Variants in SLC39A8 observed in about 807,000 individuals in gnomAD.
SLC39A8 encodes metal cation symporter ZIP8.
In SLC39A8, 15 loss-of-function variants were observed where a neutral mutation model predicts 40.4. The observed-to-expected ratio is 0.37, with a 90% CI of 0.25 to 0.57. The LOEUF is 0.57. Ranked by LOEUF, SLC39A8 falls within the 20% of genes least tolerant of loss-of-function variation. The probability of loss-of-function intolerance (pLI) is 0.75; values close to 1 mark genes in which losing one functional copy is unlikely to be tolerated. For missense variants in SLC39A8, 472 were observed against 558.8 expected (o/e 0.84, Z 1.57); for synonymous variants, 223 against 221.6 (o/e 1.01, Z -0.06).
At chr4:102,313,855 T>C (rs1339617905) in intron 3 of SLC39A8, among the ~76,000 whole-genome samples, 6 of 152,208 alleles carry the variant, frequency 3.9e-5, no homozygotes, top group Non-Finnish European at 7.4e-5. Flanking sequence ...CCCAAAGTGC[T>C]GGGATTACAG....
chr4:102,290,218 A>G (rs1182198635), intron 6 of SLC39A8, among the ~76,000 whole-genome samples: 1 of 152,182 alleles, frequency 6.6e-6, no homozygotes, highest in East Asian at 1.9e-4. Flanking sequence ...GCAATAAGGT[A>G]TTTTTAAATT....
At position 102,318,340 on chromosome 4, in the gene SLC39A8, G is replaced by C. The variant is rs567223168; in HGVS notation, c.220-2510C>G. On this transcript the variant is annotated intron_variant, in intron 2 of 8. Coordinates refer to ENST00000356736, the MANE Select transcript of SLC39A8 (RefSeq NM_001135146.2). Reference sequence around the variant, plus strand: ...ACGAAGAACACAGAGATGTAGAGATGATAAAACTCAAAGCTCCCCTCATGA... The same window carrying C: ...ACGAAGAACACAGAGATGTAGAGATCATAAAACTCAAAGCTCCCCTCATGA... Among the ~76,000 whole-genome samples, 5 of 152,222 alleles carry C rather than the reference G, an allele frequency of 3.3e-5. No homozygotes were observed. The South Asian group carries it at 1.0e-3, about 32-fold the overall frequency.
At chr4:102,336,251 T>C (rs549642948) in intron 2 of SLC39A8, among the ~76,000 whole-genome samples, 1 of 152,362 alleles carries the variant, frequency 6.6e-6, no homozygotes, top group Admixed American at 6.5e-5. Flanking sequence ...TGAGTAAGGC[T>C]CTTTTTTTCT....
chr4:102,284,013 G>A (rs1253113485), intron 6 of SLC39A8, among the ~76,000 whole-genome samples: 1 of 152,170 alleles, frequency 6.6e-6, no homozygotes, highest in Non-Finnish European at 1.5e-5. Context: ...TCTCCTTGAG[G>A]AAGTCATCCC....
At chr4:102,276,133 A>T (rs1732606582) in intron 6 of SLC39A8, among the ~76,000 whole-genome samples, 1 of 152,194 alleles carries the variant, frequency 6.6e-6, no homozygotes, top group Non-Finnish European at 1.5e-5. Context: ...AATAACTAAG[A>T]TCAGAGCAGA....
At chr4:102,280,133 G>T (rs972511648) in intron 6 of SLC39A8, among the ~76,000 whole-genome samples, 4 of 152,188 alleles carry the variant, frequency 2.6e-5, no homozygotes, top group African/African-American at 9.7e-5. Flanking sequence ...CACAACTAAA[G>T]ATCACTGTTC....
At chr4:102,307,147 G>T (rs145431254) in intron 4 of SLC39A8, among the ~76,000 whole-genome samples, 1 of 152,130 alleles carries the variant, frequency 6.6e-6, no homozygotes, top group East Asian at 1.9e-4. Flanking sequence ...AATTAAATTT[G>T]CCAAGTGCAA....
At chr4:102,253,092 T>C (rs571474206) in exon 12 of SLC39A8, 6 of 231,646 alleles carry the variant, frequency 2.6e-5, no homozygotes, top group Admixed American at 5.7e-5. Flanking sequence ...ACATTTGCAA[T>C]GACTCTATTT....
In SLC39A8 at chr4:102,304,396, A is replaced by G. The variant is rs1272890104; in HGVS notation, c.761T>C (p.Val254Ala). The change falls in exon 6 of 9, where the codon GTG becomes GCG. Residue 254 changes from valine (V) to alanine (A), a missense_variant. Around this residue, in one of 4 missense-constraint regions of SLC39A8, gnomAD observed 239 missense variants for 317.9 expected, o/e 0.75. Coordinates refer to ENST00000356736, the MANE Select transcript of SLC39A8 (RefSeq NM_001135146.2). ...QPKALPAING[V>A]TCYANPAVTE... ...GACAGCAGGATTTGCATAGCATGTC[A>G]CACCATTGATGGCAGGTAATGCTTT... The G allele has an allele frequency of 5.0e-6, 8 of 1,611,766 alleles. No individual in the cohort carries two copies. Among genetic ancestry groups the G allele is most frequent in the African/African-American group, 1.3e-5 (1 of 74,906 alleles).
intron 3 of SLC39A8, among the ~76,000 whole-genome samples, chr4:102,312,065 T>C (rs904373563): frequency 2.6e-5 from 4 of 152,048 alleles, no homozygotes; most frequent in Non-Finnish European, 4.4e-5. Context: ...ATTAACTCAT[T>C]TGATACTCCC....
intron 11 of SLC39A8, among the ~76,000 whole-genome samples, chr4:102,255,343 A>G (rs1006028861): frequency 6.6e-6 from 1 of 152,230 alleles, no homozygotes; most frequent in Admixed American, 6.5e-5. Flanking sequence ...AAATTGAAGG[A>G]ACTAAAGAAA....
chr4:102,334,561 A>T (rs1294848822), intron 2 of SLC39A8, among the ~76,000 whole-genome samples: 1 of 152,222 alleles, frequency 6.6e-6, no homozygotes, highest in Non-Finnish European at 1.5e-5. Flanking sequence ...TCACTCAAAC[A>T]AGAGGGGAAC....
chr4:102,337,705 AC>A (rs145392281), intron 2 of SLC39A8, among the ~76,000 whole-genome samples: 8 of 152,254 alleles, frequency 5.3e-5, no homozygotes, highest in African/African-American at 1.9e-4. Flanking sequence ...TCCATTCTAA[AC>A]CGCCAGAAGA....
chr4:102,335,336 C>T (rs1210779935), intron 2 of SLC39A8, among the ~76,000 whole-genome samples: 1 of 152,110 alleles, frequency 6.6e-6, no homozygotes, highest in Non-Finnish European at 1.5e-5. Context: ...CGCTGAAGTT[C>T]GGGCTAACTT....
At chr4:102,321,793 G>C (rs1420439986) in intron 2 of SLC39A8, among the ~76,000 whole-genome samples, 1 of 152,208 alleles carries the variant, frequency 6.6e-6, no homozygotes, top group Non-Finnish European at 1.5e-5. Flanking sequence ...GTAGAGACCA[G>C]AGACAAGGAT....
chr4:102,344,827 AC>A lies in SLC39A8; in HGVS notation c.-166del. On this transcript the variant is annotated 5_prime_UTR_variant, in exon 2 of 9. It introduces an in-frame stop codon into an upstream open reading frame of the 5' UTR. Coordinates refer to ENST00000356736, the MANE Select transcript of SLC39A8 (RefSeq NM_001135146.2). ...CTGGTTCTCCGACGCCTTCGAAAGA[AC>A]AGCAGCTCGCGACCTGCGGGGCATT... The A allele has an allele frequency of 1.5e-6, 2 of 1,319,712 alleles. No homozygotes were observed. Among genetic ancestry groups the A allele is most frequent in the South Asian group, 4.2e-5 (2 of 47,198 alleles). 81.8% of individuals were successfully genotyped at this position (1,319,712 alleles called of 1,614,324 possible).
chr4:102,305,006 A>G lies in SLC39A8; in HGVS notation c.658T>C (p.Leu220=), dbSNP rs751004364. The G allele has an allele frequency of 1.2e-6, 2 of 1,605,646 alleles. No individual in the cohort carries two copies. The highest frequency in any genetic ancestry group is 1.7e-6 in the Non-Finnish European group (2 of 1,174,186). Residue 220 remains leucine, a synonymous_variant, in exon 5 of 9, where the codon TTA becomes CTA. Coordinates refer to ENST00000356736, the MANE Select transcript of SLC39A8 (RefSeq NM_001135146.2). ...FFFERMLKML[L]KTYGQNGHTH... is the part of the protein sequence containing the mutation. ...CCATTTACCTGACCATATGTCTTTA[A>G]TAACATCTTTAGCATTCTTTCAAAA... is the stretch of plus-strand genomic sequence containing the variant.
chr4:102,299,488 T>A (rs140832522), intron 6 of SLC39A8, among the ~76,000 whole-genome samples: 29 of 152,162 alleles, frequency 1.9e-4, no homozygotes, highest in African/African-American at 6.5e-4. Context: ...CTTAGAATAA[T>A]GCCAAGTATA....
intron 6 of SLC39A8, among the ~76,000 whole-genome samples, chr4:102,270,222 C>T (rs1277074919): frequency 6.6e-6 from 1 of 151,532 alleles, no homozygotes; most frequent in Admixed American, 6.6e-5. Context: ...GATATCACTA[C>T]AGAGTCTGTA....
Sources: allele counts gnomAD v4.1 joint callset (sites outside exome capture counted in the v4.1 genomes callset), GRCh38; gene constraint gnomAD v4.1.1; regional missense constraint gnomAD v4.1.1; transcripts MANE v1.5; gene names NCBI Gene and HGNC (gene_info 2026-07-23, HGNC 2026-07-21).